The following SETD5 variants were observed in gnomAD, a reference collection of about 807,000 sequenced individuals.
SETD5 encodes the protein histone-lysine N-methyltransferase SETD5.
In SETD5, 44 loss-of-function variants were observed where a neutral mutation model predicts 153.3. That is an observed-to-expected ratio of 0.29 (90% CI 0.23 to 0.37). The LOEUF is 0.37. Ranked by LOEUF, SETD5 falls within the 10% of genes least tolerant of loss-of-function variation. SETD5 has a pLI of 1.00. For missense variants in SETD5, 1,544 were observed against 1,768.0 expected (o/e 0.87, Z 2.27); for synonymous variants, 716 against 645.2 (o/e 1.11, Z -1.66).
At chr3:9,454,134 A>G (rs533897549) in intron 17 of SETD5, 1 of 190,634 alleles carries the variant, frequency 5.2e-6, no homozygotes, top group Non-Finnish European at 1.1e-5. Flanking sequence ...AGTTTAGGAA[A>G]TTTATATTCA....
At chr3:9,436,248 G>T (rs2040554764) in intron 7 of SETD5, among the ~76,000 whole-genome samples, 1 of 152,072 alleles carries the variant, frequency 6.6e-6, no homozygotes, top group East Asian at 1.9e-4. Context: ...CCAAAGTACA[G>T]TCTGAAATTC....
At chr3:9,410,453 C>T (rs73115813) in intron 1 of SETD5, among the ~76,000 whole-genome samples, 23 of 152,278 alleles carry the variant, frequency 1.5e-4, no homozygotes, top group African/African-American at 5.5e-4. Context: ...CAGTTTGATA[C>T]ACAGTGAGGT....
At chr3:9,473,735 T>C (rs1428089472) in intron 20 of SETD5, among the ~76,000 whole-genome samples, 198 bp downstream of exon 20, 1 of 152,208 alleles carries the variant, frequency 6.6e-6, no homozygotes, top group Non-Finnish European at 1.5e-5. Context: ...GAATTAAGAA[T>C]TACCAACATG....
intron 18 of SETD5, among the ~76,000 whole-genome samples, chr3:9,465,706 G>A (rs1270860248): frequency 6.6e-6 from 1 of 152,140 alleles, no homozygotes; most frequent in Admixed American, 6.5e-5. Context: ...TCTACTTTTG[G>A]AGCAGACCTC....
chr3:9,445,976 T>TTG (rs1553624283), intron 13 of SETD5, among the ~76,000 whole-genome samples: 1 of 147,274 alleles, frequency 6.8e-6, no homozygotes, highest in East Asian at 2.0e-4. Flanking sequence ...TTTTTTTTTT[T>TTG]TTTTTTTTTT....
Position 9,434,061 on chromosome 3 carries a change from C to A in SETD5, c.177+111C>A. On this transcript the variant is annotated intron_variant, in intron 4 of 22. Coordinates refer to ENST00000402198, the MANE Select transcript of SETD5 (RefSeq NM_001080517.3). The surrounding 1 kb of genome is among the most constrained non-coding windows in gnomAD (Gnocchi z 5.6). ...TATATGCAGCATGACGAAGTTGCCC[C>A]TTTTGCACTTCCCTGACTCCAGCGG... 1 of 1,602,802 alleles carries A rather than the reference C, an allele frequency of 6.2e-7. No individual in the cohort carries two copies. Among genetic ancestry groups the A allele is most frequent in the Non-Finnish European group, 8.5e-7 (1 of 1,176,106 alleles).
intron 1 of SETD5, among the ~76,000 whole-genome samples, chr3:9,406,388 G>A: frequency 6.6e-6 from 1 of 152,088 alleles, no homozygotes; most frequent in East Asian, 1.9e-4. Flanking sequence ...AAACTACTAT[G>A]CCCATGGAAG....
chr3:9,451,356 C>T (rs928632428), intron 16 of SETD5, among the ~76,000 whole-genome samples: 2 of 152,084 alleles, frequency 1.3e-5, no homozygotes, highest in Non-Finnish European at 2.9e-5. Flanking sequence ...GATCATTGTC[C>T]TAAATTTATA....
rs905946001 is a variant in SETD5 at position 9,453,759 on chromosome 3, A to G, written c.2367A>G (p.Leu789=). ...SCKKRWIKQA[L]EEGMTQTSSV... The stretch of plus-strand genomic sequence containing the variant: ...TATAGCGCTGGATAAAACAAGCCTT[A>G]GAAGAAGGGATGACTCAAACATCAT... The change falls in exon 17 of 23, where the codon TTA becomes TTG. Residue 789 remains leucine, a synonymous_variant. Transcript: ENST00000402198. 12 of 1,600,620 alleles carry G rather than the reference A, an allele frequency of 7.5e-6. No individual in the cohort carries two copies. The highest frequency in any genetic ancestry group is 1.4e-5 in the African/African-American group (1 of 74,004).
At chr3:9,447,344 CACCTTTGCTAATGTCAAT>C in intron 14 of SETD5, 37 bp downstream of exon 14, 1 of 1,581,074 alleles carries the variant, frequency 6.3e-7, no homozygotes, top group Admixed American at 1.9e-5. Flanking sequence ...TAGACATCCT[CACCTTTGCTAATGTCAAT>C]ACCTAACTTT....
At position 9,435,770 on chromosome 3, in the gene SETD5, C is replaced by T. The variant is rs2125111080; in HGVS notation, c.431C>T (p.Ser144Phe). 2.5e-6 allele frequency: 4 copies of T among 1,600,806 alleles called. No homozygotes were observed. Among genetic ancestry groups the T allele is most frequent in the East Asian group, 2.2e-5 (1 of 44,536 alleles). The stretch of plus-strand genomic sequence containing the variant: ...ACAGAAAGCTGGGATGAGGAGCTTT[C>T]TCCTTCCACTGTGTTGTATACAGCA... The part of the protein sequence containing the change: ...SATESWDEEL[S>F]PSTVLYTATQ... Residue 144 changes from serine to phenylalanine, a missense_variant, in exon 7 of 23, where the codon TCT becomes TTT. This residue lies in a region of SETD5 where 251 missense variants were observed against 326.9 expected (regional missense o/e 0.77). Coordinates refer to ENST00000402198, the MANE Select transcript of SETD5 (RefSeq NM_001080517.3).
intron 3 of SETD5, chr3:9,433,459 A>G (rs915433149): frequency 1.6e-6 from 2 of 1,289,472 alleles, no homozygotes; most frequent in South Asian, 1.2e-5. Flanking sequence ...TGCAAATGTC[A>G]TGTGAGGTTT....
At chr3:9,429,446 G>A (rs1479603017) in intron 3 of SETD5, 1 of 164,356 alleles carries the variant, frequency 6.1e-6, no homozygotes, top group African/African-American at 2.4e-5. Flanking sequence ...ATATGGGCAG[G>A]TTGCCTAGAC....
At chr3:9,433,252 G>A in intron 3 of SETD5, 1 of 593,072 alleles carries the variant, frequency 1.7e-6, no homozygotes, top group Non-Finnish European at 2.6e-6. Context: ...TAATATGCTT[G>A]CATGTCATTG....
Position 9,453,720 on chromosome 3 carries a change from T to A in SETD5, c.2347-19T>A. On this transcript the variant is annotated intron_variant, in intron 16 of 22. Coordinates refer to ENST00000402198, the MANE Select transcript of SETD5 (RefSeq NM_001080517.3). ...TTTTAGATAATTATTGATAATTCTC[T>A]GGTTCTTTTCAATTATAGCGCTGGA... 1 of 1,568,986 alleles carries A rather than the reference T, an allele frequency of 6.4e-7. No homozygotes were observed. Among genetic ancestry groups the A allele is most frequent in the Non-Finnish European group, 8.6e-7 (1 of 1,166,048 alleles).
intron 17 of SETD5, among the ~76,000 whole-genome samples, chr3:9,460,791 CT>C (rs1177057464): frequency 6.6e-6 from 1 of 152,002 alleles, no homozygotes; most frequent in African/African-American, 2.4e-5. Context: ...TAAGTATGTT[CT>C]TTTTTCCTTT....
intron 2 of SETD5, among the ~76,000 whole-genome samples, chr3:9,425,516 T>C (rs1284776294): frequency 6.6e-6 from 1 of 152,002 alleles, no homozygotes; most frequent in Non-Finnish European, 1.5e-5. Context: ...AAAATTGCTC[T>C]AGGAAAAATA....
intron 1 of SETD5, among the ~76,000 whole-genome samples, chr3:9,411,611 CT>C (rs2036577841): frequency 6.6e-6 from 1 of 152,202 alleles, no homozygotes. Flanking sequence ...AGGAATAATA[CT>C]TTTCTCCTAA....
In SETD5 at chr3:9,476,946, A is replaced by G. The variant is rs2045885569; in HGVS notation, c.*855A>G. The G allele has an allele frequency of 6.6e-6, 1 of 152,618 alleles. No homozygotes were observed. The highest frequency in any genetic ancestry group is 1.5e-5 in the Non-Finnish European group (1 of 68,032). The allele number at this position is 152,618 out of a possible 1,614,324, so 9.5% of individuals were successfully genotyped here. ...GCTTTTGGCAATAAATTTCATTAGG[A>G]AGGATACCGAGTGGTTTGGGAATGC... On this transcript the variant is annotated 3_prime_UTR_variant, in exon 23 of 23. Transcript: ENST00000402198.
Sources: allele counts gnomAD v4.1 joint callset (sites outside exome capture counted in the v4.1 genomes callset), GRCh38; gene constraint gnomAD v4.1.1; regional missense constraint gnomAD v4.1.1; non-coding constraint Gnocchi (gnomAD v3.1); transcripts MANE v1.5; gene names NCBI Gene and HGNC (gene_info 2026-07-23, HGNC 2026-07-21).